SUPT3H: variants seen among roughly 807,000 people sequenced by gnomAD.
The protein encoded by SUPT3H is transcription initiation protein SPT3 homolog.
Under a neutral mutation model 44.3 loss-of-function variants are expected in SUPT3H, and 44 were observed. The observed-to-expected ratio is 0.99, with a 90% CI of 0.78 to 1.28. SUPT3H has a LOEUF of 1.28. SUPT3H is among the 50% of genes most tolerant of loss of function. The pLI, the probability that SUPT3H is intolerant of heterozygous loss-of-function variation, is 0.00. For synonymous variants in SUPT3H, 124 were observed against 125.6 expected (o/e 0.99, Z 0.09); for missense variants, 380 against 387.1 (o/e 0.98, Z 0.15).
At chr6:45,165,857 G>A (rs1809758313) in intron 2 of SUPT3H, among the ~76,000 whole-genome samples, 1 of 152,134 alleles carries the variant, frequency 6.6e-6, no homozygotes, top group South Asian at 2.1e-4. Flanking sequence ...AGAGCTGTGA[G>A]AAAATACTAA....
intron 2 of SUPT3H, among the ~76,000 whole-genome samples, chr6:45,220,355 GA>G (rs2153635110): frequency 6.6e-6 from 1 of 151,172 alleles, no homozygotes; most frequent in East Asian, 1.9e-4. Context: ...AGCTAAAGAA[GA>G]AAAATAGTAT....
chr6:44,889,369 C>G (rs983767865), intron 10 of SUPT3H, among the ~76,000 whole-genome samples: 1 of 152,184 alleles, frequency 6.6e-6, no homozygotes, highest in African/African-American at 2.4e-5. Context: ...TCAAACTATA[C>G]TACAAGGCTA....
downstream of SUPT3H, among the ~76,000 whole-genome samples, chr6:44,826,237 C>T (rs1767739430): frequency 6.6e-6 from 1 of 152,234 alleles, no homozygotes; most frequent in Admixed American, 6.5e-5. Flanking sequence ...ATGCCCTCTG[C>T]AGAAAGCCTT....
At chr6:45,179,975 C>T (rs991159878) in intron 2 of SUPT3H, among the ~76,000 whole-genome samples, 2 of 152,230 alleles carry the variant, frequency 1.3e-5, no homozygotes, top group African/African-American at 4.8e-5. Context: ...ACCCCACTGT[C>T]TCAGCCCAGA....
At chr6:44,957,313 T>G (rs1775361751) in intron 7 of SUPT3H, among the ~76,000 whole-genome samples, 1 of 152,098 alleles carries the variant, frequency 6.6e-6, no homozygotes, top group South Asian at 2.1e-4. Flanking sequence ...CCCAAAGCTG[T>G]CAAATATGGC....
intron 2 of SUPT3H, among the ~76,000 whole-genome samples, chr6:45,322,336 A>G (rs1341732796): frequency 6.6e-6 from 1 of 151,522 alleles, no homozygotes; most frequent in Middle Eastern, 3.4e-3. Flanking sequence ...CTACATTTTA[A>G]ACAATGCTTT....
intron 6 of SUPT3H, among the ~76,000 whole-genome samples, chr6:44,995,515 C>T (rs1018263381): frequency 2.0e-5 from 3 of 152,062 alleles, no homozygotes; most frequent in Non-Finnish European, 2.9e-5. Context: ...TGACACTTTA[C>T]GAGTTTCTAA....
chr6:45,254,042 T>C (rs1368909456), intron 2 of SUPT3H, among the ~76,000 whole-genome samples: 26 of 151,700 alleles, frequency 1.7e-4, no homozygotes. Context: ...CAAATTCTTT[T>C]GAAATGTACC....
At chr6:45,246,016 A>C (rs1771277116) in intron 2 of SUPT3H, among the ~76,000 whole-genome samples, 1 of 152,112 alleles carries the variant, frequency 6.6e-6, no homozygotes, top group South Asian at 2.1e-4. Flanking sequence ...CATTTGTCTA[A>C]GGACTGGTAA....
At chr6:44,988,296 A>G (rs114727831) in intron 6 of SUPT3H, among the ~76,000 whole-genome samples, 2,722 of 152,110 alleles carry the variant, frequency 0.018, 49 homozygotes, top group South Asian at 0.086. Context: ...AAGCCACTAC[A>G]TATCAATGTC....
chr6:44,882,940 G>C (rs1249413114), intron 10 of SUPT3H, among the ~76,000 whole-genome samples: 1 of 152,066 alleles, frequency 6.6e-6, no homozygotes, highest in Non-Finnish European at 1.5e-5. Flanking sequence ...TACTGAATAG[G>C]CAAAAGCTGG....
chr6:45,337,944 G>A (rs1447856049), intron 2 of SUPT3H, among the ~76,000 whole-genome samples: 1 of 151,850 alleles, frequency 6.6e-6, no homozygotes, highest in African/African-American at 2.4e-5. Context: ...TGACAATGAT[G>A]TTATCACCTA....
chr6:44,904,628 C>A (rs1582392369), intron 10 of SUPT3H, among the ~76,000 whole-genome samples: 1 of 152,192 alleles, frequency 6.6e-6, no homozygotes, highest in South Asian at 2.1e-4. Flanking sequence ...CCATCCCCAT[C>A]AAGCTACCAA....
intron 2 of SUPT3H, among the ~76,000 whole-genome samples, chr6:45,258,764 T>C (rs1457858787): frequency 6.6e-6 from 1 of 152,302 alleles, no homozygotes; most frequent in East Asian, 1.9e-4. Flanking sequence ...ATTTGCACGT[T>C]TCCTAATCTT....
At chr6:44,832,007 A>C (rs1304884107) in intron 10 of SUPT3H, among the ~76,000 whole-genome samples, 1 of 152,192 alleles carries the variant, frequency 6.6e-6, no homozygotes, top group Non-Finnish European at 1.5e-5. Context: ...AAATAAATAA[A>C]GAAGGAACAA....
intron 2 of SUPT3H, among the ~76,000 whole-genome samples, chr6:45,137,728 G>T (rs751911829): frequency 6.6e-6 from 1 of 151,444 alleles, no homozygotes; most frequent in Non-Finnish European, 1.5e-5. Context: ...TAGAAACCAA[G>T]AAATAAAGAT....
At chr6:45,369,407 A>G (rs1795673448) in intron 1 of SUPT3H, among the ~76,000 whole-genome samples, 1 of 152,202 alleles carries the variant, frequency 6.6e-6, no homozygotes, top group African/African-American at 2.4e-5. Flanking sequence ...ATTTTAGTTT[A>G]TATTAGTTTA....
chr6:45,249,892 T>C (rs1279525123), intron 2 of SUPT3H, among the ~76,000 whole-genome samples: 1 of 152,054 alleles, frequency 6.6e-6, no homozygotes, highest in Non-Finnish European at 1.5e-5. Context: ...GAAAACACCC[T>C]CAAACCTTAT....
At chr6:45,059,619 T>C (rs2396379) in intron 3 of SUPT3H, among the ~76,000 whole-genome samples, 34,378 of 151,850 alleles carry the variant, frequency 0.23, 4,576 homozygotes, top group Non-Finnish European at 0.31. Flanking sequence ...ATAAAGCATA[T>C]TCAAATAGGG....
Sources: allele counts gnomAD v4.1 joint callset (sites outside exome capture counted in the v4.1 genomes callset), GRCh38; gene constraint gnomAD v4.1.1; transcripts MANE v1.5; gene names NCBI Gene and HGNC (gene_info 2026-07-23, HGNC 2026-07-21).